PDE4B: variants seen among roughly 807,000 people sequenced by gnomAD.
PDE4B encodes the protein phosphodiesterase 4B, also known as 3',5'-cyclic-AMP phosphodiesterase 4B.
Under a neutral mutation model 82.2 loss-of-function variants are expected in PDE4B, and 20 were observed. The observed-to-expected ratio is 0.24, with a 90% CI of 0.17 to 0.35. The LOEUF is 0.35. Ranked by LOEUF, PDE4B falls within the 10% of genes least tolerant of loss-of-function variation. The pLI is 1.00. For missense variants in PDE4B, 655 were observed against 907.2 expected, an observed-to-expected ratio of 0.72 and a Z score of 3.57; for synonymous variants, 320 against 318.9, an observed-to-expected ratio of 1.00 and a Z score of -0.04.
intron 4 of PDE4B, among the ~76,000 whole-genome samples, chr1:66,256,398 A>G (rs758390670): frequency 1.4e-4 from 22 of 152,172 alleles, no homozygotes; most frequent in Non-Finnish European, 2.6e-4. Context: ...ATTAAATGAG[A>G]TAATACATGT....
chr1:66,278,865 G>A (rs1434244211), intron 7 of PDE4B, among the ~76,000 whole-genome samples: 1 of 151,790 alleles, frequency 6.6e-6, no homozygotes, highest in African/African-American at 2.4e-5. Flanking sequence ...TGTGTGTGTG[G>A]TGTGTGCATG....
chr1:65,961,305 C>A (rs1017274607), intron 3 of PDE4B, among the ~76,000 whole-genome samples: 1 of 152,028 alleles, frequency 6.6e-6, no homozygotes, highest in Non-Finnish European at 1.5e-5. Flanking sequence ...GAGTTATTGG[C>A]AGAGAGAACA....
intron 7 of PDE4B, among the ~76,000 whole-genome samples, chr1:66,322,968 T>C (rs190579271): frequency 6.6e-6 from 1 of 152,282 alleles, no homozygotes; most frequent in Non-Finnish European, 1.5e-5. Context: ...TATGTCTTCC[T>C]GTAGATATGG....
At chr1:66,262,994 T>G (rs186275523) in intron 6 of PDE4B, among the ~76,000 whole-genome samples, 2 of 152,324 alleles carry the variant, frequency 1.3e-5, no homozygotes, top group Admixed American at 1.3e-4. Context: ...AAAGTCTTCT[T>G]TGGAACTCAG....
chr1:65,979,351 T>C (rs1224866442), intron 3 of PDE4B, among the ~76,000 whole-genome samples: 1 of 152,174 alleles, frequency 6.6e-6, no homozygotes, highest in Non-Finnish European at 1.5e-5. Context: ...AGTGTTACCA[T>C]TGTGTTATCT....
chr1:66,139,537 T>C (rs1646126248), intron 3 of PDE4B, among the ~76,000 whole-genome samples: 1 of 152,134 alleles, frequency 6.6e-6, no homozygotes, highest in South Asian at 2.1e-4. Context: ...GATATTCCAA[T>C]ATCGTCTTCC....
At chr1:65,841,803 A>G (rs1646210710) in intron 1 of PDE4B, among the ~76,000 whole-genome samples, 1 of 152,162 alleles carries the variant, frequency 6.6e-6, no homozygotes, top group Non-Finnish European at 1.5e-5. Flanking sequence ...AAAGTAGGCA[A>G]CAAACCATCA....
chr1:66,107,469 A>T (rs1645389238), intron 3 of PDE4B, among the ~76,000 whole-genome samples: 1 of 151,824 alleles, frequency 6.6e-6, no homozygotes. Flanking sequence ...CTTCACTTAA[A>T]AAAGGTTTTC....
chr1:65,949,098 T>C (rs1159152158), intron 3 of PDE4B, among the ~76,000 whole-genome samples: 4 of 152,092 alleles, frequency 2.6e-5, no homozygotes, highest in Non-Finnish European at 5.9e-5. Flanking sequence ...CGCTCTTCTA[T>C]TGGGTACATG....
chr1:65,853,886 A>T (rs1191600370), intron 1 of PDE4B, among the ~76,000 whole-genome samples: 3 of 152,154 alleles, frequency 2.0e-5, no homozygotes, highest in African/African-American at 7.2e-5. Flanking sequence ...TGAAGGCAGA[A>T]TTAAACTAAT....
intron 7 of PDE4B, among the ~76,000 whole-genome samples, chr1:66,285,372 G>A (rs933792517): frequency 2.0e-5 from 3 of 151,968 alleles, no homozygotes; most frequent in Admixed American, 6.6e-5. Flanking sequence ...TATTTAGGGG[G>A]TACAAGTGCA....
intron 8 of PDE4B, among the ~76,000 whole-genome samples, chr1:66,349,344 A>G (rs1419271798): frequency 6.6e-6 from 1 of 152,146 alleles, no homozygotes; most frequent in Non-Finnish European, 1.5e-5. Flanking sequence ...TTCGTTGTAT[A>G]CTTACCTATT....
At chr1:66,226,120 T>C (rs1207677262) in intron 3 of PDE4B, among the ~76,000 whole-genome samples, 1 of 152,250 alleles carries the variant, frequency 6.6e-6, no homozygotes, top group Non-Finnish European at 1.5e-5. Flanking sequence ...GCAAAATGCT[T>C]TTAATTTTTT....
chr1:66,209,791 T>C (rs1330826362), intron 3 of PDE4B, among the ~76,000 whole-genome samples: 2 of 152,196 alleles, frequency 1.3e-5, no homozygotes, highest in East Asian at 3.8e-4. Context: ...ATACTCTTTT[T>C]TGCCTGATTT....
intron 3 of PDE4B, among the ~76,000 whole-genome samples, chr1:66,095,956 T>C (rs1645105710): frequency 6.6e-6 from 1 of 151,886 alleles, no homozygotes; most frequent in Non-Finnish European, 1.5e-5. Context: ...ATACATATAA[T>C]GTGTATTGAT....
At chr1:66,060,891 G>A (rs1223666682) in intron 3 of PDE4B, among the ~76,000 whole-genome samples, 2 of 151,782 alleles carry the variant, frequency 1.3e-5, no homozygotes, top group African/African-American at 2.4e-5. Flanking sequence ...CCTGAGTCTG[G>A]TGTTTCAGTG....
At chr1:66,361,850 A>AC in intron 10 of PDE4B, 57 bp downstream of exon 10, 2 of 1,339,632 alleles carry the variant, frequency 1.5e-6, no homozygotes, top group Non-Finnish European at 2.1e-6. Flanking sequence ...CAGACGGATG[A>AC]CCGTATACCT....
chr1:65,811,818 T>C (rs1645824882), intron 1 of PDE4B, among the ~76,000 whole-genome samples: 1 of 152,140 alleles, frequency 6.6e-6, no homozygotes, highest in South Asian at 2.1e-4. Flanking sequence ...ACATATACTT[T>C]TATTTCAATA....
intron 4 of PDE4B, among the ~76,000 whole-genome samples, chr1:66,252,184 A>G (rs1270176963): frequency 2.0e-5 from 3 of 152,224 alleles, no homozygotes; most frequent in African/African-American, 7.2e-5. Flanking sequence ...AGGTGGTTGC[A>G]CTATTTCCTG....
Sources: allele counts gnomAD v4.1 joint callset (sites outside exome capture counted in the v4.1 genomes callset), GRCh38; gene constraint gnomAD v4.1.1; transcripts MANE v1.5; gene names NCBI Gene and HGNC (gene_info 2026-07-23, HGNC 2026-07-21).